The following ESYT2 variants were observed in gnomAD, a reference collection of about 807,000 sequenced individuals.
The protein encoded by ESYT2 is extended synaptotagmin-2.
In ESYT2, 54 loss-of-function variants were observed where a neutral mutation model predicts 107.2. That is an observed-to-expected ratio of 0.50 (90% CI 0.40 to 0.63). The LOEUF is 0.63. ESYT2 is among the 30% of genes least tolerant of loss of function. The pLI is 0.00. For synonymous variants in ESYT2, 491 were observed against 434.1 expected, an observed-to-expected ratio of 1.13 and a Z score of -1.63; for missense variants, 1,020 against 1,094.5, an observed-to-expected ratio of 0.93 and a Z score of 0.96.
intron 9 of ESYT2, 84 bp downstream of exon 9, chr7:158,764,593 G>A (rs1838084951): frequency 2.1e-6 from 3 of 1,404,056 alleles, no homozygotes; most frequent in Non-Finnish European, 1.9e-6. Context: ...ACACTCCCAC[G>A]TGACTGTGCT....
At chr7:158,808,831 A>C (rs1467301668) in intron 1 of ESYT2, among the ~76,000 whole-genome samples, 1 of 147,588 alleles carries the variant, frequency 6.8e-6, no homozygotes, top group Non-Finnish European at 1.5e-5. Flanking sequence ...AAAATTAACG[A>C]GGTGTGGTGG....
chr7:158,792,972 G>A (rs1839353153), intron 4 of ESYT2, among the ~76,000 whole-genome samples: 1 of 151,928 alleles, frequency 6.6e-6, no homozygotes, highest in Non-Finnish European at 1.5e-5. Flanking sequence ...GTTTCACCAT[G>A]TTAGCCACGA....
Position 158,829,440 on chromosome 7 carries a change from C to A in ESYT2, c.-22G>T. On this transcript the variant is annotated 5_prime_UTR_variant, in exon 1 of 23. Coordinates refer to ENST00000275418, the MANE Select transcript of ESYT2 (RefSeq NM_001367773.1). ...TCATCGCCCCGCAGTGCCGCGCTGC[C>A]CTCCCGGCCGAGGCGGGCTGGGTGC... The A allele has an allele frequency of 3.4e-6, 4 of 1,186,368 alleles. No individual in the cohort carries two copies. Among genetic ancestry groups the A allele is most frequent in the Non-Finnish European group, 4.2e-6 (4 of 961,180 alleles). The allele number at this position is 1,186,368 out of a possible 1,614,324, so 73.5% of individuals were successfully genotyped here.
intron 15 of ESYT2, among the ~76,000 whole-genome samples, chr7:158,749,226 C>T (rs997826997): frequency 6.6e-6 from 1 of 152,162 alleles, no homozygotes; most frequent in African/African-American, 2.4e-5. Flanking sequence ...CCTGCCTCAG[C>T]CTCCCGAGTA....
chr7:158,751,640 GCA>G (rs1837588123), intron 14 of ESYT2, among the ~76,000 whole-genome samples: 1 of 152,062 alleles, frequency 6.6e-6, no homozygotes, highest in South Asian at 2.1e-4. Context: ...GCTACACTGG[GCA>G]CTTTCATACG....
At chr7:158,765,009 G>T (rs182837874) in intron 8 of ESYT2, among the ~76,000 whole-genome samples, 156 bp from the exon 9 acceptor site, 1 of 152,212 alleles carries the variant, frequency 6.6e-6, no homozygotes, top group African/African-American at 2.4e-5. Context: ...GCGGGGAAAT[G>T]CAAGTGTGTA....
chr7:158,826,145 G>C (rs1840434567), intron 1 of ESYT2, among the ~76,000 whole-genome samples: 1 of 152,106 alleles, frequency 6.6e-6, no homozygotes, highest in African/African-American at 2.4e-5. Flanking sequence ...CCGCGCAGCA[G>C]AATTTCAGGC....
intron 10 of ESYT2, among the ~76,000 whole-genome samples, chr7:158,762,826 A>G (rs926409074): frequency 6.6e-6 from 1 of 152,228 alleles, no homozygotes; most frequent in Non-Finnish European, 1.5e-5. Flanking sequence ...TTTTTAATTT[A>G]TTTAACTTTA....
chr7:158,776,178 T>C (rs1384757759), intron 6 of ESYT2, among the ~76,000 whole-genome samples: 1 of 152,202 alleles, frequency 6.6e-6, no homozygotes, highest in African/African-American at 2.4e-5. Flanking sequence ...TTTCCAGGTA[T>C]AGAACACAGA....
intron 1 of ESYT2, among the ~76,000 whole-genome samples, chr7:158,815,208 G>A (rs1029087085): frequency 7.2e-5 from 11 of 152,132 alleles, no homozygotes; most frequent in African/African-American, 2.2e-4. Context: ...CTATCCACAC[G>A]GTCTTCCGCC....
In ESYT2 at chr7:158,782,413, AGT is replaced by A. The variant is rs200501818; in HGVS notation, c.747+5589_747+5590del. Among the ~76,000 whole-genome samples, 32 of 149,056 alleles carry A rather than the reference AGT, an allele frequency of 2.1e-4. No homozygotes were observed. The East Asian group carries it at 6.5e-3, about 30-fold the overall frequency. ...AAGAACGAGAACAAGTGAGTGAACGAGTGTGAGAACAAAGTGAGGTGTGAGTG... is the reference window on the plus strand; with the variant it reads ...AAGAACGAGAACAAGTGAGTGAACGAGTGAGAACAAAGTGAGGTGTGAGTG... On this transcript the variant is annotated intron_variant, in intron 6 of 22. Transcript: ENST00000275418.
rs540527107 is a variant in ESYT2, at chr7:158,822,683, C to T, written c.330+6406G>A. Among the ~76,000 whole-genome samples, 13 of 152,182 alleles carry T rather than the reference C, an allele frequency of 8.5e-5. No homozygotes were observed. The South Asian group carries it at 2.5e-3, about 29-fold the overall frequency. The stretch of plus-strand genomic sequence containing the variant: ...TATTAGAGCTGGGTACAATGATTCA[C>T]ACCTGTAGTCCCAGCCACTCAGGAG... On this transcript the variant is annotated intron_variant, in intron 1 of 22. Coordinates refer to ENST00000275418, the MANE Select transcript of ESYT2 (RefSeq NM_001367773.1).
At chr7:158,745,713 A>G (rs1837380627) in intron 16 of ESYT2, among the ~76,000 whole-genome samples, 1 of 152,204 alleles carries the variant, frequency 6.6e-6, no homozygotes, top group South Asian at 2.1e-4. Context: ...CCCCAAACAT[A>G]TGGAAACTAA....
At chr7:158,804,125 C>A (rs113629576) in intron 1 of ESYT2, among the ~76,000 whole-genome samples, 1 of 27,464 alleles carries the variant, frequency 3.6e-5, no homozygotes, top group Admixed American at 3.3e-4. Context: ...CCCAAACCGT[C>A]GAGAAGGGTG....
chr7:158,811,366 A>G (rs1839990435), intron 1 of ESYT2, among the ~76,000 whole-genome samples: 1 of 152,204 alleles, frequency 6.6e-6, no homozygotes, highest in African/African-American at 2.4e-5. Context: ...CAACCAACAA[A>G]GGTACCCAGT....
chr7:158,812,438 A>G (rs1840016483), intron 1 of ESYT2, among the ~76,000 whole-genome samples: 1 of 152,218 alleles, frequency 6.6e-6, no homozygotes, highest in Non-Finnish European at 1.5e-5. Context: ...GGACAGCAAT[A>G]ACAATAAAAA....
At position 158,793,745 on chromosome 7, in the gene ESYT2, T is replaced by C; in HGVS notation, c.508-19A>G. On this transcript the variant is annotated intron_variant, in intron 3 of 22. Coordinates refer to ENST00000275418, the MANE Select transcript of ESYT2 (RefSeq NM_001367773.1). ...TGAGGGGCTGAAATAAGAAGTAGCT[T>C]ATTTTAAGATACAGAGGTTAAAAAA... 1 of 1,595,788 alleles carries C rather than the reference T, an allele frequency of 6.3e-7. No individual in the cohort carries two copies. The highest frequency in any genetic ancestry group is 8.6e-7 in the Non-Finnish European group (1 of 1,166,452).
intron 7 of ESYT2, among the ~76,000 whole-genome samples, chr7:158,769,507 C>A (rs186661266): frequency 1.3e-5 from 2 of 152,234 alleles, no homozygotes; most frequent in South Asian, 4.1e-4. Context: ...TAGGTCTCCA[C>A]AGAAGCGTCT....
chr7:158,791,583 T>C (rs1252338265), intron 4 of ESYT2, among the ~76,000 whole-genome samples: 1 of 152,230 alleles, frequency 6.6e-6, no homozygotes, highest in Non-Finnish European at 1.5e-5. Context: ...ACACCTGTTA[T>C]TTTCTGGGTT....
Sources: gnomAD v4.1 joint callset for allele counts (sites outside exome capture counted in the v4.1 genomes callset) on GRCh38, gnomAD v4.1.1 for gene constraint, MANE v1.5 for transcripts, NCBI Gene and HGNC (gene_info 2026-07-23, HGNC 2026-07-21) for gene names.